The following OGFOD1 variants were observed in gnomAD, a reference collection of about 807,000 sequenced individuals.
OGFOD1 encodes prolyl 3-hydroxylase OGFOD1.
In OGFOD1, 54 loss-of-function variants were observed where a neutral mutation model predicts 67.7. The observed-to-expected ratio is 0.80, with a 90% CI of 0.64 to 1.00. OGFOD1 has a LOEUF of 1.00. OGFOD1 is among the 50% of genes least tolerant of loss of function. The probability of loss-of-function intolerance (pLI) is 0.00; values close to 1 mark genes in which losing one functional copy is unlikely to be tolerated. For synonymous variants in OGFOD1, 221 were observed against 227.0 expected (o/e 0.97, Z 0.24); for missense variants, 606 against 646.7 (o/e 0.94, Z 0.68).
intron 1 of OGFOD1, among the ~76,000 whole-genome samples, chr16:56,452,446 C>G (rs1474963273): frequency 1.3e-5 from 2 of 152,226 alleles, no homozygotes; most frequent in Non-Finnish European, 2.9e-5. Flanking sequence ...CCAGCCTCAG[C>G]TTTAAATATC....
At chr16:56,475,344 A>G (rs959014480) in intron 11 of OGFOD1, among the ~76,000 whole-genome samples, 163 bp from the exon 12 acceptor site, 1 of 152,234 alleles carries the variant, frequency 6.6e-6, no homozygotes, top group African/African-American at 2.4e-5. Flanking sequence ...AAGGCAATCC[A>G]TGATAAACTA....
At chr16:56,468,056 G>A in intron 8 of OGFOD1, 38 bp downstream of exon 8, 3 of 1,173,058 alleles carry the variant, frequency 2.6e-6, no homozygotes, top group Non-Finnish European at 3.8e-6. Flanking sequence ...ATTTTGTTTG[G>A]CATGCAATTT....
chr16:56,463,786 T>C lies in OGFOD1; in HGVS notation c.448+1152T>C, dbSNP rs188273418. ...AGAAAAGTGGCAAGCATAGTACAAATAATTTATTTTTTCCTATTTTACTTG... is the reference window on the plus strand; with the variant it reads ...AGAAAAGTGGCAAGCATAGTACAAACAATTTATTTTTTCCTATTTTACTTG... On this transcript the variant is annotated intron_variant, in intron 4 of 12. Coordinates refer to ENST00000566157, the MANE Select transcript of OGFOD1 (RefSeq NM_018233.4). Among the ~76,000 whole-genome samples, 147 of 151,552 alleles carry C rather than the reference T, an allele frequency of 9.7e-4. 2 individuals carry two copies. The East Asian group carries it at 0.026, about 27-fold the overall frequency.
intron 11 of OGFOD1, 25 bp downstream of exon 11, chr16:56,474,975 G>T: frequency 6.2e-7 from 1 of 1,611,040 alleles, no homozygotes; most frequent in Non-Finnish European, 8.5e-7. Flanking sequence ...AGCAAGCGGT[G>T]GATTATTCCC....
chr16:56,476,291 T>G lies in OGFOD1; in HGVS notation c.*86T>G, dbSNP rs544093374. 1 of 1,280,360 alleles carries G rather than the reference T, an allele frequency of 7.8e-7. No individual in the cohort carries two copies. The highest frequency in any genetic ancestry group is 2.4e-5 in the East Asian group (1 of 41,650). 79.3% of individuals were successfully genotyped at this position (1,280,360 alleles called of 1,614,324 possible). ...AGCTAAGCATGGAGTCAAGGAGAAC[T>G]ACATGGTAGCTTGCCTGACAGTGTT... On this transcript the variant is annotated 3_prime_UTR_variant, in exon 13 of 13. Transcript: ENST00000566157.
At chr16:56,464,770 A>G (rs954527180) in intron 4 of OGFOD1, among the ~76,000 whole-genome samples, 1 of 150,710 alleles carries the variant, frequency 6.6e-6, no homozygotes, top group South Asian at 2.1e-4. Flanking sequence ...TTATCTTTGT[A>G]TTTTCCATGC....
rs1425841892 is a variant in OGFOD1 at position 56,451,847 on chromosome 16, T to G, written c.154+81T>G. The G allele has an allele frequency of 2.7e-6, 4 of 1,502,932 alleles. No individual in the cohort carries two copies. In the Admixed American group the frequency reaches 6.6e-5, roughly 25 times the overall value. The allele number at this position is 1,502,932 out of a possible 1,614,324, so 93.1% of individuals were successfully genotyped here. ...AAAGCCCTGGGACTCGCGCCCAGCC[T>G]TGGGCAGCGGGGCCGCAAGGGAAGA... On this transcript the variant is annotated intron_variant, in intron 1 of 12. Transcript: ENST00000566157.
chr16:56,473,098 C>T (rs891979052), intron 10 of OGFOD1, among the ~76,000 whole-genome samples: 21 of 151,898 alleles, frequency 1.4e-4, no homozygotes, highest in African/African-American at 5.1e-4. Flanking sequence ...GCCCGGCTAA[C>T]GTTTTGTATT....
At chr16:56,470,175 A>G (rs1236456827) in intron 9 of OGFOD1, 93 bp downstream of exon 9, 11 of 1,136,136 alleles carry the variant, frequency 9.7e-6, no homozygotes, top group Non-Finnish European at 1.3e-5. Context: ...TAAAGGAAAA[A>G]TAGACTGAGG....
At chr16:56,451,835 T>C (rs1011931510) in intron 1 of OGFOD1, 69 bp downstream of exon 1, 1 of 1,551,224 alleles carries the variant, frequency 6.4e-7, no homozygotes. Flanking sequence ...GCCCTGGGAC[T>C]CGCGCCCAGC....
At chr16:56,475,985 A>T in intron 12 of OGFOD1, 59 bp from the exon 13 acceptor site, 1 of 1,458,852 alleles carries the variant, frequency 6.9e-7, no homozygotes, top group Non-Finnish European at 9.4e-7. Context: ...ATGGTTAATC[A>T]TCCAAGATTT....
chr16:56,469,780 G>A (rs973958396), intron 8 of OGFOD1, among the ~76,000 whole-genome samples: 1 of 150,314 alleles, frequency 6.7e-6, no homozygotes, highest in African/African-American at 2.5e-5. Flanking sequence ...AACCCAGGAG[G>A]TGGAGGTTGT....
In OGFOD1 at chr16:56,466,950, C is replaced by T; in HGVS notation, c.640C>T (p.Pro214Ser). The change falls in exon 6 of 13, where the codon CCT becomes TCT. Residue 214 changes from proline (P) to serine (S), a missense_variant. Physicochemically the swap from Pro to Ser is moderately conservative, Grantham distance 74 (BLOSUM62 -1). Transcript: ENST00000566157. ...WNKLVFFEVS[P>S]VSFHQVSEVL... is the part of the protein sequence containing the mutation. ...CAAACTGGTTTTCTTTGAAGTATCT[C>T]CTGTGTCCTTTCACCAGGTAAAGAC... The T allele has an allele frequency of 1.2e-6, 2 of 1,611,988 alleles. No individual in the cohort carries two copies. Among genetic ancestry groups the T allele is most frequent in the Non-Finnish European group, 1.7e-6 (2 of 1,178,046 alleles).
intron 4 of OGFOD1, among the ~76,000 whole-genome samples, chr16:56,463,516 G>A (rs1426287144): frequency 2.7e-5 from 4 of 147,290 alleles, no homozygotes; most frequent in African/African-American, 9.9e-5. Flanking sequence ...TCCACCTCCC[G>A]GGTTCAAGTG....
At chr16:56,454,306 T>A (rs1454763473) in intron 2 of OGFOD1, among the ~76,000 whole-genome samples, 2 of 152,092 alleles carry the variant, frequency 1.3e-5, no homozygotes, top group Non-Finnish European at 2.9e-5. Flanking sequence ...CAAGATCACA[T>A]CATTGCACTC....
At chr16:56,462,859 G>T (rs967126720) in intron 4 of OGFOD1, among the ~76,000 whole-genome samples, 5 of 152,138 alleles carry the variant, frequency 3.3e-5, no homozygotes, top group Admixed American at 1.3e-4. Context: ...CATATTTTCA[G>T]CAAAATCCCC....
intron 10 of OGFOD1, among the ~76,000 whole-genome samples, chr16:56,474,008 C>T (rs1482587497): frequency 6.6e-6 from 1 of 152,090 alleles, no homozygotes; most frequent in East Asian, 1.9e-4. Context: ...GGGGTTTTGC[C>T]ATATTGGCCA....
chr16:56,452,996 A>T (rs192259705), intron 1 of OGFOD1, among the ~76,000 whole-genome samples: 7 of 139,028 alleles, frequency 5.0e-5, no homozygotes, highest in Non-Finnish European at 8.0e-5. Flanking sequence ...TGAAACACAT[A>T]AAAAAAAGAG....
chr16:56,458,037 A>C (rs146848373), intron 2 of OGFOD1: 1 of 159,568 alleles, frequency 6.3e-6, no homozygotes, highest in African/African-American at 2.4e-5. Context: ...CTGCTCTTGC[A>C]ATAGCTGGAA....
Sources: allele counts gnomAD v4.1 joint callset (sites outside exome capture counted in the v4.1 genomes callset), GRCh38; gene constraint gnomAD v4.1.1; transcripts MANE v1.5; gene names NCBI Gene and HGNC (gene_info 2026-07-23, HGNC 2026-07-21).